NADK: variants seen among roughly 807,000 people sequenced by gnomAD.
NADK encodes poly(P)/ATP NAD kinase.
Under a neutral mutation model 49.8 loss-of-function variants are expected in NADK, and 22 were observed. The ratio of observed to expected loss-of-function variants is 0.44; its 90% CI spans 0.32 to 0.63. NADK has a LOEUF of 0.63. Among genes scored for constraint, NADK ranks in the 30% least tolerant of loss-of-function variants. The pLI, the probability that NADK is intolerant of heterozygous loss-of-function variation, is 0.06. For synonymous variants in NADK, 268 were observed against 253.7 expected, an observed-to-expected ratio of 1.06 and a Z score of -0.54; for missense variants, 438 against 609.4, an observed-to-expected ratio of 0.72 and a Z score of 2.96.
intron 2 of NADK, among the ~76,000 whole-genome samples, chr1:1,762,286 CA>C (rs1293147945): frequency 1.3e-5 from 2 of 152,208 alleles, no homozygotes; most frequent in African/African-American, 4.8e-5. Flanking sequence ...GGGAGAGCTT[CA>C]GCCCAAACAA....
chr1:1,754,090 G>C lies in NADK; in HGVS notation c.1062C>G (p.Ser354=), dbSNP rs1409537929. 2 of 1,604,876 alleles carry C rather than the reference G, an allele frequency of 1.2e-6. No homozygotes were observed. The highest frequency in any genetic ancestry group is 2.2e-5 in the South Asian group (2 of 90,790). Reference sequence around the variant, plus strand: ...CTGCGGGGACCACGATGGGCCGGAAGGACAGCGAGTGGGGGCAGATGGGCG... The same window carrying C: ...CTGCGGGGACCACGATGGGCCGGAACGACAGCGAGTGGGGGCAGATGGGCG... ...MITPICPHSL[S]FRPIVVPAGV... Residue 354 remains serine, a synonymous_variant, in exon 10 of 12, where the codon TCC becomes TCG. Coordinates refer to ENST00000341426, the MANE Select transcript of NADK (RefSeq NM_023018.5). This position sits in a 1 kb window ranked among gnomAD's most constrained non-coding sequence, Gnocchi z 4.3.
chr1:1,773,676 TTGTGTGTGTGTGTGTGTGTGTG>T lies in NADK; in HGVS notation c.-41+4591_-41+4612del, dbSNP rs57063985. 1.3e-4 allele frequency among the ~76,000 whole-genome samples: 15 copies of T among 116,610 alleles called. 1 individual carries two copies. The highest frequency in any genetic ancestry group is 2.7e-4 in the East Asian group (1 of 3,638). The allele number at this position is 116,610 out of a possible 152,430, so 76.5% of individuals were successfully genotyped here. A position where few individuals can be genotyped will look rare whatever the true frequency, so the allele number is the denominator to read the frequency against. On this transcript the variant is annotated intron_variant, in intron 1 of 11. Coordinates refer to ENST00000341426, the MANE Select transcript of NADK (RefSeq NM_023018.5). ...TGCTACATTACCTAGAAGCTCTATT[TTGTGTGTGTGTGTGTGTGTGTG>T]TGTGTGTGTGTGTGTGTGTGTGTGT...
Position 1,754,251 on chromosome 1 carries a change from C to T in NADK, c.943+33G>A, listed in dbSNP as rs745471475. On this transcript the variant is annotated intron_variant, in intron 9 of 11. Coordinates refer to ENST00000341426, the MANE Select transcript of NADK (RefSeq NM_023018.5). This position sits in a 1 kb window ranked among gnomAD's most constrained non-coding sequence, Gnocchi z 4.3. Reference sequence around the variant, plus strand: ...AGGCGTCACTCCCGCCCGAGGGACGCTCAGGGCCCCAGGACAGTGCTGCGG... The same window carrying T: ...AGGCGTCACTCCCGCCCGAGGGACGTTCAGGGCCCCAGGACAGTGCTGCGG... The T allele has an allele frequency of 1.2e-5, 19 of 1,613,258 alleles. No individual in the cohort carries two copies. The highest frequency in any genetic ancestry group is 1.2e-4 in the Admixed American group (7 of 59,984).
In NADK at chr1:1,752,136, C is replaced by T. The variant is rs1275463183; in HGVS notation, c.*768G>A. ...CATTGAATGGCAGACGACTCCCTTC[C>T]CCTTGAAATCTTCACAAAAGTGTGT... On this transcript the variant is annotated 3_prime_UTR_variant, in exon 12 of 12. Coordinates refer to ENST00000341426, the MANE Select transcript of NADK (RefSeq NM_023018.5). 2.0e-5 allele frequency: 3 copies of T among 152,436 alleles called. No homozygotes were observed. Among genetic ancestry groups the T allele is most frequent in the Non-Finnish European group, 2.9e-5 (2 of 68,010 alleles). The allele number at this position is 152,436 out of a possible 1,614,324, so 9.4% of individuals were successfully genotyped here.
intron 1 of NADK, among the ~76,000 whole-genome samples, chr1:1,769,336 C>G (rs577054453): frequency 6.6e-6 from 1 of 152,340 alleles, no homozygotes; most frequent in South Asian, 2.1e-4. Flanking sequence ...CACCTGAGGT[C>G]AGATGTTTGT....
Position 1,754,728 on chromosome 1 carries a change from C to T in NADK, c.689-30G>A. The T allele has an allele frequency of 6.3e-7, 1 of 1,587,442 alleles. No homozygotes were observed. ...GGTCCAGCAGGAGTCAGAGGGCATG[C>T]ATCAGGGAAGTCAGTGGGGTCAGGG... On this transcript the variant is annotated intron_variant, in intron 7 of 11. Transcript: ENST00000341426. This position sits in a 1 kb window ranked among gnomAD's most constrained non-coding sequence, Gnocchi z 4.3.
chr1:1,761,119 A>T (rs773738907), intron 3 of NADK, among the ~76,000 whole-genome samples: 8 of 152,086 alleles, frequency 5.3e-5, no homozygotes, highest in Non-Finnish European at 1.0e-4. Flanking sequence ...CAGCCTCCCA[A>T]GTAGCTGGGA....
Position 1,762,039 on chromosome 1 carries a change from T to C in NADK, c.180-4A>G. ...CCCATGAAGAGAGCGTGTCCTCCTGTGGGGAGAGGGCAGTGTCAGAGCCAC... is the reference window on the plus strand; with the variant it reads ...CCCATGAAGAGAGCGTGTCCTCCTGCGGGGAGAGGGCAGTGTCAGAGCCAC... On this transcript the variant is annotated splice_region_variant and splice_polypyrimidine_tract_variant and intron_variant, in intron 2 of 11. Coordinates refer to ENST00000341426, the MANE Select transcript of NADK (RefSeq NM_023018.5). 1 of 1,613,540 alleles carries C rather than the reference T, an allele frequency of 6.2e-7. No homozygotes were observed. The highest frequency in any genetic ancestry group is 8.5e-7 in the Non-Finnish European group (1 of 1,179,786).
intron 1 of NADK, among the ~76,000 whole-genome samples, chr1:1,771,075 T>TATATATATAC: frequency 7.0e-6 from 1 of 142,630 alleles, no homozygotes; most frequent in African/African-American, 2.6e-5. Context: ...TATATATATA[T>TATATATATAC]ACACACACAC....
At chr1:1,759,996 A>AGAGCCACGGCGGGGCC (rs1377719674) in intron 3 of NADK, 1 of 1,377,008 alleles carries the variant, frequency 7.3e-7, no homozygotes, top group Non-Finnish European at 1.0e-6. Context: ...ATGGCGGGAC[A>AGAGCCACGGCGGGGCC]GAGCCACGGC....
chr1:1,765,354 G>A lies in NADK; in HGVS notation c.53C>T (p.Ala18Val), dbSNP rs910313865. The A allele has an allele frequency of 5.6e-6, 9 of 1,612,518 alleles. No individual in the cohort carries two copies. Among genetic ancestry groups the A allele is most frequent in the Admixed American group, 1.7e-5 (1 of 59,890 alleles). The change falls in exon 2 of 12, where the codon GCG becomes GTG. Residue 18 changes from alanine to valine, a missense_variant. Coordinates refer to ENST00000341426, the MANE Select transcript of NADK (RefSeq NM_023018.5). ...MTMNKELSPD[A>V]AAYCCSACHG... Reference sequence around the variant, plus strand: ...GCAGGCCGAGCAGCAGTAAGCAGCCGCGTCTGGACTCAATTCCTTATTCAT... The same window carrying A: ...GCAGGCCGAGCAGCAGTAAGCAGCCACGTCTGGACTCAATTCCTTATTCAT...
chr1:1,759,393 GC>G, intron 3 of NADK: 1 of 1,121,978 alleles, frequency 8.9e-7, no homozygotes, highest in Middle Eastern at 3.1e-4. Context: ...CATGGCCACA[GC>G]CTGGCCCGCC....
Position 1,752,859 on chromosome 1 carries a change from G to A in NADK, c.*45C>T, listed in dbSNP as rs375280826. On this transcript the variant is annotated 3_prime_UTR_variant, in exon 12 of 12. Transcript: ENST00000341426. ...GCAGATTGGTCTGTCCCCAGAGGGCGCTTGGAGGGCAGCGGAAGGATTCGG... is the reference window on the plus strand; with the variant it reads ...GCAGATTGGTCTGTCCCCAGAGGGCACTTGGAGGGCAGCGGAAGGATTCGG... 6.9e-6 allele frequency: 11 copies of A among 1,589,144 alleles called. No homozygotes were observed. Among genetic ancestry groups the A allele is most frequent in the South Asian group, 3.4e-5 (3 of 87,598 alleles).
intron 1 of NADK, among the ~76,000 whole-genome samples, chr1:1,777,000 C>A (rs1483172477): frequency 6.6e-6 from 1 of 152,028 alleles, no homozygotes. Flanking sequence ...ATCAATTGAG[C>A]CCAGGAATTT....
upstream of NADK, among the ~76,000 whole-genome samples, chr1:1,779,540 G>A (rs543754599): frequency 5.0e-4 from 76 of 152,084 alleles, no homozygotes; most frequent in Non-Finnish European, 9.9e-4. Context: ...GTCCAGTGGC[G>A]GGCTCACGGC....
At chr1:1,766,407 T>C (rs1645886270) in intron 1 of NADK, among the ~76,000 whole-genome samples, 1 of 14,854 alleles carries the variant, frequency 6.7e-5, no homozygotes, top group Non-Finnish European at 1.4e-4. Flanking sequence ...AGAAACTCCG[T>C]CTCAAAAAAA....
At chr1:1,757,096 C>T (rs1489102489) in intron 4 of NADK, 85 bp downstream of exon 4, 30 of 1,536,568 alleles carry the variant, frequency 2.0e-5, no homozygotes, top group Non-Finnish European at 2.5e-5. Flanking sequence ...AGGTGGTTCC[C>T]ATGGTCTCAC....
chr1:1,762,008 G>A lies in NADK; in HGVS notation c.207C>T (p.Cys69=), dbSNP rs1485779108. The A allele has an allele frequency of 1.9e-6, 3 of 1,614,056 alleles. No individual in the cohort carries two copies. The highest frequency in any genetic ancestry group is 1.1e-5 in the South Asian group (1 of 91,086). ...CCTTTGGTCCAAAAGTGGTCACCGG[G>A]CATGGCCCATGAAGAGAGCGTGTCC... The part of the protein sequence containing the change: ...FRRTRSLHGP[C]PVTTFGPKAC... The change falls in exon 3 of 12, where the codon TGC becomes TGT. Residue 69 remains cysteine (C), a synonymous_variant. Coordinates refer to ENST00000341426, the MANE Select transcript of NADK (RefSeq NM_023018.5).
intron 1 of NADK, among the ~76,000 whole-genome samples, chr1:1,768,374 CAAAACA>C (rs1486627004): frequency 2.0e-5 from 3 of 151,912 alleles, no homozygotes; most frequent in Admixed American, 6.6e-5. Context: ...TCTGTCTCTA[CAAAACA>C]AAAACAAAAA....
Sources: allele counts gnomAD v4.1 joint callset (sites outside exome capture counted in the v4.1 genomes callset), GRCh38; gene constraint gnomAD v4.1.1; non-coding constraint Gnocchi (gnomAD v3.1); transcripts MANE v1.5; gene names NCBI Gene and HGNC (gene_info 2026-07-23, HGNC 2026-07-21).